STXBP4: variants seen among roughly 807,000 people sequenced by gnomAD.
STXBP4 encodes syntaxin-binding protein 4.
Under a neutral mutation model 76.1 loss-of-function variants are expected in STXBP4, and 55 were observed. That is an observed-to-expected ratio of 0.72 (90% CI 0.58 to 0.91). STXBP4 has a LOEUF of 0.91. Among genes scored for constraint, STXBP4 ranks in the 40% least tolerant of loss-of-function variants. The pLI is 0.00. For synonymous variants in STXBP4, 201 were observed against 220.2 expected (o/e 0.91, Z 0.77); for missense variants, 618 against 636.9 (o/e 0.97, Z 0.32).
intron 17 of STXBP4, among the ~76,000 whole-genome samples, chr17:55,158,578 TA>T (rs1318943791): frequency 6.6e-6 from 1 of 152,234 alleles, no homozygotes; most frequent in Admixed American, 6.5e-5. Flanking sequence ...AGTAGGACAC[TA>T]AGTGTAAGAA....
chr17:54,999,816 A>G lies in STXBP4; in HGVS notation c.472A>G (p.Asn158Asp). 4 of 1,612,372 alleles carry G rather than the reference A, an allele frequency of 2.5e-6. No individual in the cohort carries two copies. Among genetic ancestry groups the G allele is most frequent in the Non-Finnish European group, 3.4e-6 (4 of 1,178,870 alleles). Reference sequence around the variant, plus strand: ...AAAGACCTCATCCACTCCCAAAACAAATAATGACATTTTATCTTCTTGTGA... The same window carrying G: ...AAAGACCTCATCCACTCCCAAAACAGATAATGACATTTTATCTTCTTGTGA... Reference protein sequence around the residue: ...IPKTSSTPKTNNDILSSCEIK... With the variant: ...IPKTSSTPKTDNDILSSCEIK... Residue 158 changes from asparagine (N) to aspartate (D), a missense_variant, in exon 6 of 18, where the codon AAT becomes GAT. Asn to Asp is a conservative substitution (Grantham distance 23). Transcript: ENST00000376352.
chr17:55,116,062 T>A (rs1289887841), intron 16 of STXBP4, among the ~76,000 whole-genome samples: 1 of 151,844 alleles, frequency 6.6e-6, no homozygotes, highest in Non-Finnish European at 1.5e-5. Flanking sequence ...CTTATTTGAT[T>A]GCTTCCATTT....
At chr17:55,103,182 G>T (rs1055430283) in intron 16 of STXBP4, among the ~76,000 whole-genome samples, 1 of 152,132 alleles carries the variant, frequency 6.6e-6, no homozygotes, top group African/African-American at 2.4e-5. Context: ...TGTTTTTGGT[G>T]TTTTAGTCAT....
At chr17:55,040,045 A>G (rs1403157532) in intron 10 of STXBP4, among the ~76,000 whole-genome samples, 1 of 152,166 alleles carries the variant, frequency 6.6e-6, no homozygotes, top group Non-Finnish European at 1.5e-5. Context: ...GGAACCTCCC[A>G]AACCCCCTTT....
chr17:55,192,847 A>G, the STXBP4 span, among the ~76,000 whole-genome samples: 3 of 152,132 alleles, frequency 2.0e-5, no homozygotes, highest in African/African-American at 7.2e-5. Context: ...AGACACTCAA[A>G]TCTTTGTCTT....
chr17:55,085,951 T>C (rs2079321015), intron 16 of STXBP4, among the ~76,000 whole-genome samples: 1 of 152,186 alleles, frequency 6.6e-6, no homozygotes, highest in Non-Finnish European at 1.5e-5. Context: ...TCGTAATGTG[T>C]TATGTGTAAG....
intron 16 of STXBP4, among the ~76,000 whole-genome samples, chr17:55,115,054 G>C (rs1167404575): frequency 6.6e-6 from 1 of 151,892 alleles, no homozygotes; most frequent in African/African-American, 2.4e-5. Flanking sequence ...TTCAAAAATG[G>C]ATCTCTCTTT....
At chr17:55,182,907 A>G in the STXBP4 span, among the ~76,000 whole-genome samples, 1 of 152,126 alleles carries the variant, frequency 6.6e-6, no homozygotes, top group African/African-American at 2.4e-5. Context: ...AAAAGTCAAG[A>G]GAATTGAAGA....
chr17:54,982,178 A>G (rs1345799090), intron 1 of STXBP4, among the ~76,000 whole-genome samples: 1 of 152,180 alleles, frequency 6.6e-6, no homozygotes, highest in Non-Finnish European at 1.5e-5. Flanking sequence ...AGATATTTTT[A>G]TCCCTTTTAT....
chr17:55,031,560 C>T (rs1219353696), intron 9 of STXBP4, among the ~76,000 whole-genome samples: 1 of 152,020 alleles, frequency 6.6e-6, no homozygotes, highest in Non-Finnish European at 1.5e-5. Flanking sequence ...ACAAAAGAAA[C>T]AGTACAAAAT....
chr17:55,201,867 A>G, the STXBP4 span, among the ~76,000 whole-genome samples: 1 of 152,256 alleles, frequency 6.6e-6, no homozygotes, highest in Non-Finnish European at 1.5e-5. Context: ...CACCAAATGC[A>G]GCTTGCAGCA....
intron 7 of STXBP4, 95 bp from the exon 8 acceptor site, chr17:55,007,411 A>T: frequency 1.2e-6 from 1 of 866,016 alleles, no homozygotes; most frequent in Non-Finnish European, 1.9e-6. Flanking sequence ...AGCTAGAATT[A>T]TTTTTGAACA....
At chr17:55,002,760 A>T (rs1428566079) in intron 7 of STXBP4, among the ~76,000 whole-genome samples, 1 of 152,188 alleles carries the variant, frequency 6.6e-6, no homozygotes, top group Non-Finnish European at 1.5e-5. Context: ...CTTTCATCTT[A>T]TTAGCTCTGT....
intron 3 of STXBP4, among the ~76,000 whole-genome samples, chr17:54,989,389 C>G (rs1349117521): frequency 6.6e-6 from 1 of 152,184 alleles, no homozygotes; most frequent in Non-Finnish European, 1.5e-5. Context: ...GCCACCATGC[C>G]CAGCCAGAAG....
intron 17 of STXBP4, among the ~76,000 whole-genome samples, chr17:55,152,851 A>C (rs1233694944): frequency 6.6e-6 from 1 of 152,220 alleles, no homozygotes; most frequent in Non-Finnish European, 1.5e-5. Context: ...TAATAGCTTT[A>C]GACATATCAT....
chr17:55,002,002 G>A (rs1042118515), intron 7 of STXBP4, among the ~76,000 whole-genome samples: 6 of 152,132 alleles, frequency 3.9e-5, no homozygotes, highest in Admixed American at 3.9e-4. Context: ...ATTTGGGGTG[G>A]TATTTACCAG....
intron 8 of STXBP4, among the ~76,000 whole-genome samples, chr17:55,018,720 TG>T (rs1339719997): frequency 1.3e-5 from 2 of 151,898 alleles, no homozygotes; most frequent in African/African-American, 4.8e-5. Flanking sequence ...GGGCAGGGGG[TG>T]GATCTCACAA....
At chr17:55,193,815 G>A in the STXBP4 span, among the ~76,000 whole-genome samples, 1,594 of 105,554 alleles carry the variant, frequency 0.015, no homozygotes, top group Non-Finnish European at 0.017. Flanking sequence ...CCTGATTTCA[G>A]AAAAAAAAAA....
the STXBP4 span, among the ~76,000 whole-genome samples, chr17:55,202,496 G>A: frequency 6.6e-6 from 1 of 151,188 alleles, no homozygotes; most frequent in Admixed American, 6.6e-5. Context: ...AACCTAACCA[G>A]TATGACACTG....
Sources: allele counts gnomAD v4.1 joint callset (sites outside exome capture counted in the v4.1 genomes callset), GRCh38; gene constraint gnomAD v4.1.1; transcripts MANE v1.5; gene names NCBI Gene and HGNC (gene_info 2026-07-23, HGNC 2026-07-21).